Variants in ATF2 observed in about 807,000 individuals in gnomAD.
ATF2 encodes activating transcription factor 2.
In ATF2, 24 loss-of-function variants were observed where a neutral mutation model predicts 60.6. That is an observed-to-expected ratio of 0.40 (90% CI 0.29 to 0.56). The LOEUF is 0.56. ATF2 is among the 20% of genes least tolerant of loss of function. The pLI is 0.54. For missense variants in ATF2, 433 were observed against 607.7 expected (o/e 0.71, Z 3.02); for synonymous variants, 206 against 215.4 (o/e 0.96, Z 0.38).
chr2:175,167,183 C>T (rs1447226922), intron 1 of ATF2, among the ~76,000 whole-genome samples: 1 of 152,146 alleles, frequency 6.6e-6, no homozygotes, highest in Non-Finnish European at 1.5e-5. Context: ...AGCTCCTCCT[C>T]TCTTTTTCCT....
chr2:175,156,135 C>A (rs541306983), intron 1 of ATF2, among the ~76,000 whole-genome samples: 162 of 152,150 alleles, frequency 1.1e-3, no homozygotes, highest in African/African-American at 3.5e-3. Flanking sequence ...CTTTGGGAGG[C>A]CAAGGCAGGC....
rs35747892 is a variant in ATF2, at chr2:175,115,795, T to C, written c.448-927A>G. On this transcript the variant is annotated intron_variant, in intron 7 of 13. Coordinates refer to ENST00000264110, the MANE Select transcript of ATF2 (RefSeq NM_001880.4). ...ATTTCAGATTGTAGTAAATGTTAAG[T>C]GTTACAGAATAATACGTGCAATGTA... Among the ~76,000 whole-genome samples, 294 of 152,286 alleles carry C rather than the reference T, an allele frequency of 1.9e-3. 2 individuals carry two copies. The highest frequency in any genetic ancestry group is 0.011 in the South Asian group (52 of 4,828).
intron 10 of ATF2, among the ~76,000 whole-genome samples, chr2:175,107,828 C>G (rs1319983206): frequency 6.6e-6 from 1 of 152,216 alleles, no homozygotes; most frequent in Non-Finnish European, 1.5e-5. Flanking sequence ...CTCGGCCCCC[C>G]GAGGTGCCAG....
intron 12 of ATF2, 115 bp downstream of exon 12, chr2:175,092,946 A>G (rs1694658795): frequency 9.5e-7 from 1 of 1,049,252 alleles, no homozygotes; most frequent in Non-Finnish European, 1.4e-6. Flanking sequence ...TATAGATTCC[A>G]TACACACCCA....
intron 10 of ATF2, among the ~76,000 whole-genome samples, chr2:175,110,347 A>G (rs1033587755): frequency 2.0e-5 from 3 of 152,036 alleles, no homozygotes; most frequent in Non-Finnish European, 2.9e-5. Flanking sequence ...AAAATAAATA[A>G]ATAAATAAAT....
chr2:175,135,058 A>AC (rs1698046654), intron 3 of ATF2, among the ~76,000 whole-genome samples: 1 of 150,592 alleles, frequency 6.6e-6, no homozygotes, highest in South Asian at 2.1e-4. Context: ...CACTTTCGAA[A>AC]CCCCACCTCT....
intron 3 of ATF2, among the ~76,000 whole-genome samples, chr2:175,130,612 T>C (rs1169574179): frequency 6.6e-6 from 1 of 152,178 alleles, no homozygotes; most frequent in African/African-American, 2.4e-5. Context: ...AGTGGAATAT[T>C]TGTATCTATT....
chr2:175,121,176 T>C (rs1292851847), intron 5 of ATF2, among the ~76,000 whole-genome samples: 3 of 151,802 alleles, frequency 2.0e-5, no homozygotes, highest in Non-Finnish European at 4.4e-5. Context: ...AAATGTAAAA[T>C]TTGTAGATGG....
chr2:175,128,602 A>G (rs937423370), intron 4 of ATF2, among the ~76,000 whole-genome samples: 3 of 152,220 alleles, frequency 2.0e-5, no homozygotes, highest in African/African-American at 7.2e-5. Flanking sequence ...GTTTTAGAGG[A>G]AAACAAAGGA....
At chr2:175,153,146 C>T (rs1574493159) in intron 1 of ATF2, among the ~76,000 whole-genome samples, 1 of 152,134 alleles carries the variant, frequency 6.6e-6, no homozygotes, top group African/African-American at 2.4e-5. Context: ...GCCTGTATAG[C>T]TTATGTCTTA....
At chr2:175,097,893 T>C (rs1574356209) in intron 10 of ATF2, among the ~76,000 whole-genome samples, 2 of 152,302 alleles carry the variant, frequency 1.3e-5, no homozygotes, top group East Asian at 3.9e-4. Context: ...CTCTTAGGTT[T>C]TCCCTGTCCC....
chr2:175,152,814 T>A (rs1048177648), intron 1 of ATF2, among the ~76,000 whole-genome samples: 1 of 152,152 alleles, frequency 6.6e-6, no homozygotes, highest in African/African-American at 2.4e-5. Flanking sequence ...GCCATACAAA[T>A]GTAAAATAGG....
In ATF2 at chr2:175,130,267, T is replaced by C. The variant is rs1697635830; in HGVS notation, c.33-60A>G. 5.3e-6 allele frequency: 6 copies of C among 1,123,094 alleles called. No individual in the cohort carries two copies. In the South Asian group the frequency reaches 1.3e-4, roughly 24 times the overall value. 69.6% of individuals were successfully genotyped at this position (1,123,094 alleles called of 1,614,324 possible). ...TTTTAAAATAAAGAATAATTTAAAA[T>C]ATAAATCTCAAGATTTTTCATTAAG... On this transcript the variant is annotated intron_variant, in intron 3 of 13. Transcript: ENST00000264110.
intron 10 of ATF2, among the ~76,000 whole-genome samples, chr2:175,104,046 C>CT (rs36010749): frequency 0.07 from 9,904 of 142,348 alleles, 439 homozygotes; most frequent in Admixed American, 0.15. Flanking sequence ...ACTCTGAAGA[C>CT]TTTTTTTTTT....
intron 10 of ATF2, among the ~76,000 whole-genome samples, chr2:175,108,589 C>G (rs1382275096): frequency 6.6e-6 from 1 of 150,908 alleles, no homozygotes; most frequent in Non-Finnish European, 1.5e-5. Flanking sequence ...GCCGACCCGT[C>G]CGGGAGGTGG....
chr2:175,145,048 T>C (rs1335422333), intron 2 of ATF2, among the ~76,000 whole-genome samples: 1 of 152,224 alleles, frequency 6.6e-6, no homozygotes, highest in African/African-American at 2.4e-5. Flanking sequence ...TTAGATGACA[T>C]TTGAAGATAC....
chr2:175,162,458 G>T (rs1700088616), intron 1 of ATF2, among the ~76,000 whole-genome samples: 1 of 152,194 alleles, frequency 6.6e-6, no homozygotes, highest in Non-Finnish European at 1.5e-5. Flanking sequence ...TCTGGCAACT[G>T]TAGAAACATT....
intron 13 of ATF2, among the ~76,000 whole-genome samples, chr2:175,079,463 T>G (rs188209502): frequency 1.1e-4 from 17 of 152,230 alleles, no homozygotes; most frequent in Non-Finnish European, 2.2e-4. Flanking sequence ...ATTGTTAATA[T>G]AAATCCCAAA....
chr2:175,088,244 AAT>A (rs1228336542), intron 12 of ATF2, among the ~76,000 whole-genome samples: 1 of 152,212 alleles, frequency 6.6e-6, no homozygotes, highest in Non-Finnish European at 1.5e-5. Flanking sequence ...TTTCATCTAG[AAT>A]ATAGTTAAAA....
Sources: gnomAD v4.1 joint callset for allele counts (sites outside exome capture counted in the v4.1 genomes callset) on GRCh38, gnomAD v4.1.1 for gene constraint, MANE v1.5 for transcripts, NCBI Gene and HGNC (gene_info 2026-07-23, HGNC 2026-07-21) for gene names.